The following OXR1 variants were observed in gnomAD, a reference collection of about 807,000 sequenced individuals.
OXR1 encodes the protein oxidation resistance protein 1.
In OXR1, 41 loss-of-function variants were observed where a neutral mutation model predicts 104.6. That is an observed-to-expected ratio of 0.39 (90% CI 0.31 to 0.51). The LOEUF is 0.51. Ranked by LOEUF, OXR1 falls within the 20% of genes least tolerant of loss-of-function variation. The pLI is 0.77. For synonymous variants in OXR1, 348 were observed against 348.4 expected, an observed-to-expected ratio of 1.00 and a Z score of 0.01; for missense variants, 955 against 1,031.9, an observed-to-expected ratio of 0.93 and a Z score of 1.02.
At chr8:106,409,097 G>A (rs1418428419) in intron 2 of OXR1, among the ~76,000 whole-genome samples, 1 of 152,098 alleles carries the variant, frequency 6.6e-6, no homozygotes, top group Non-Finnish European at 1.5e-5. Context: ...CTCTGCAGAA[G>A]CTTCCTACCT....
At chr8:106,565,132 G>T (rs1816973681) in intron 3 of OXR1, among the ~76,000 whole-genome samples, 1 of 152,114 alleles carries the variant, frequency 6.6e-6, no homozygotes, top group African/African-American at 2.4e-5. Context: ...TCTGGCCAGG[G>T]CAATCAGGCA....
At chr8:106,535,486 ATAGCTCAGGGATT>A in intron 3 of OXR1, among the ~76,000 whole-genome samples, 1 of 152,186 alleles carries the variant, frequency 6.6e-6, no homozygotes, top group South Asian at 2.1e-4. Flanking sequence ...TATAAGAAAA[ATAGCTCAGGGATT>A]TAGCCTCCTT....
chr8:106,686,500 C>G (rs1336678037), intron 6 of OXR1, among the ~76,000 whole-genome samples: 7 of 152,060 alleles, frequency 4.6e-5, no homozygotes, highest in Admixed American at 4.6e-4. Context: ...CTGCATATCT[C>G]AAGTGCCTAT....
intron 1 of OXR1, among the ~76,000 whole-genome samples, chr8:106,304,564 A>G (rs1813396262): frequency 6.6e-6 from 1 of 152,194 alleles, no homozygotes; most frequent in Non-Finnish European, 1.5e-5. Context: ...AGGTGAAATT[A>G]TTTGTAACAA....
intron 2 of OXR1, among the ~76,000 whole-genome samples, chr8:106,409,619 C>A (rs1818379597): frequency 6.6e-6 from 1 of 152,066 alleles, no homozygotes; most frequent in African/African-American, 2.4e-5. Context: ...GGAATGACAT[C>A]CATGGAAATT....
chr8:106,470,892 T>A (rs1167869926), intron 2 of OXR1, among the ~76,000 whole-genome samples: 1 of 151,836 alleles, frequency 6.6e-6, no homozygotes, highest in East Asian at 1.9e-4. Context: ...CACTGATAAC[T>A]GACCATTAGG....
rs187364180 is a variant in OXR1, at chr8:106,402,208, C to T, written c.23+42572C>T. Among the ~76,000 whole-genome samples the T allele has an allele frequency of 1.4e-3, 214 of 152,284 alleles. 1 individual carries two copies. The highest frequency in any genetic ancestry group is 4.8e-3 in the African/African-American group (201 of 41,562). ...AGATCCATCTGTCTTCTCCACAGAT[C>T]ACACAGATGAATTGAATAGTAATAT... On this transcript the variant is annotated intron_variant, in intron 2 of 16. Coordinates refer to ENST00000517566, the MANE Select transcript of OXR1 (RefSeq NM_001198533.2).
intron 3 of OXR1, among the ~76,000 whole-genome samples, chr8:106,619,208 CT>C (rs1415194653): frequency 1.3e-5 from 2 of 152,104 alleles, no homozygotes; most frequent in African/African-American, 4.8e-5. Flanking sequence ...AGACATGAGG[CT>C]TAATGATGTT....
intron 6 of OXR1, among the ~76,000 whole-genome samples, chr8:106,690,048 T>G (rs556429087): frequency 2.0e-5 from 3 of 150,960 alleles, no homozygotes; most frequent in Non-Finnish European, 4.4e-5. Context: ...GACACTAATA[T>G]CTATCATATA....
intron 3 of OXR1, among the ~76,000 whole-genome samples, chr8:106,634,182 A>C (rs1822944422): frequency 6.6e-6 from 1 of 152,240 alleles, no homozygotes; most frequent in African/African-American, 2.4e-5. Context: ...TTTATGAGCC[A>C]GTATAACGTG....
intron 1 of OXR1, among the ~76,000 whole-genome samples, chr8:106,353,850 T>A (rs183373657): frequency 1.1e-3 from 165 of 150,030 alleles, no homozygotes; most frequent in African/African-American, 3.9e-3. Flanking sequence ...CTTATTCCTC[T>A]AGTCTAACTG....
intron 2 of OXR1, among the ~76,000 whole-genome samples, chr8:106,411,579 C>A (rs2130507693): frequency 6.6e-6 from 1 of 152,310 alleles, no homozygotes; most frequent in East Asian, 1.9e-4. Flanking sequence ...CTGTCCTTCA[C>A]ACAATAGATG....
chr8:106,556,913 C>T (rs890685863), intron 3 of OXR1, among the ~76,000 whole-genome samples: 7 of 152,198 alleles, frequency 4.6e-5, no homozygotes, highest in African/African-American at 7.2e-5. Context: ...AGCTTTGAGC[C>T]GTGGCTTCTT....
rs150115246 is a variant in OXR1, at chr8:106,318,076, T to TA, written c.-138-41399dup. On this transcript the variant is annotated intron_variant, in intron 1 of 16. Transcript: ENST00000517566. ...GTGTCTTTTCCATAAGTTTTAGATA[T>TA]ACTGGGCATATGTGATGCTTATTAT... Among the ~76,000 whole-genome samples the TA allele has an allele frequency of 9.0e-3, 1,377 of 152,238 alleles. 26 individuals carry two copies. Among genetic ancestry groups the TA allele is most frequent in the African/African-American group, 0.03 (1,265 of 41,534 alleles).
At chr8:106,741,247 A>G (rs1220350266) in intron 14 of OXR1, among the ~76,000 whole-genome samples, 1 of 152,172 alleles carries the variant, frequency 6.6e-6, no homozygotes, top group African/African-American at 2.4e-5. Flanking sequence ...CACAAACATA[A>G]TATTGAATTA....
At chr8:106,681,480 T>A (rs1265722070) in intron 4 of OXR1, among the ~76,000 whole-genome samples, 1 of 152,208 alleles carries the variant, frequency 6.6e-6, no homozygotes, top group Non-Finnish European at 1.5e-5. Context: ...TCCTGACTTT[T>A]GAAATCTTCT....
At chr8:106,299,757 G>C (rs895377500) in intron 1 of OXR1, among the ~76,000 whole-genome samples, 1 of 152,168 alleles carries the variant, frequency 6.6e-6, no homozygotes, top group Non-Finnish European at 1.5e-5. Flanking sequence ...CCGCATGCTT[G>C]ACTATATGTT....
intron 2 of OXR1, among the ~76,000 whole-genome samples, chr8:106,476,923 C>T (rs1374933114): frequency 1.3e-5 from 2 of 151,916 alleles, no homozygotes; most frequent in Admixed American, 6.6e-5. Context: ...ATGAAAGCCT[C>T]GAGGCATTTT....
chr8:106,500,373 G>C (rs927540847), intron 2 of OXR1, among the ~76,000 whole-genome samples: 1 of 152,222 alleles, frequency 6.6e-6, no homozygotes, highest in Admixed American at 6.5e-5. Flanking sequence ...GTTATTCATA[G>C]ATTCCAGACA....
Sources: allele counts gnomAD v4.1 joint callset (sites outside exome capture counted in the v4.1 genomes callset), GRCh38; gene constraint gnomAD v4.1.1; transcripts MANE v1.5; gene names NCBI Gene and HGNC (gene_info 2026-07-23, HGNC 2026-07-21).